RELL1: variants seen among roughly 807,000 people sequenced by gnomAD.
RELL1 encodes RELT-like protein 1.
Under a neutral mutation model 23.0 loss-of-function variants are expected in RELL1, and 10 were observed. That is an observed-to-expected ratio of 0.43 (90% confidence interval 0.27 to 0.74). RELL1 has a LOEUF of 0.74. Ranked by LOEUF, RELL1 falls within the 30% of genes least tolerant of loss-of-function variation. The pLI is 0.19. For synonymous variants in RELL1, 146 were observed against 146.8 expected, an observed-to-expected ratio of 0.99 and a Z score of 0.04; for missense variants, 315 against 364.4, an observed-to-expected ratio of 0.86 and a Z score of 1.10.
chr4:37,591,079 G>A (rs1577547828), exon 7 of RELL1: 2 of 1,238,808 alleles, frequency 1.6e-6, no homozygotes, highest in Non-Finnish European at 1.1e-6. Flanking sequence ...TGCATAGCAG[G>A]TGATTCTGCC....
chr4:37,641,587 A>T (rs1577583504), intron 3 of RELL1, among the ~76,000 whole-genome samples: 1 of 152,272 alleles, frequency 6.6e-6, no homozygotes. Flanking sequence ...CCAAAATGGG[A>T]GGAGCTAGGC....
chr4:37,654,804 C>T (rs192581489), intron 1 of RELL1, among the ~76,000 whole-genome samples: 122 of 152,010 alleles, frequency 8.0e-4, no homozygotes, highest in African/African-American at 2.9e-3. Context: ...CACTATGATC[C>T]AATATTGAAT....
chr4:37,638,314 C>T, intron 4 of RELL1, 133 bp downstream of exon 4: 1 of 714,464 alleles, frequency 1.4e-6, no homozygotes, highest in Admixed American at 2.5e-5. Flanking sequence ...CAGCAAAGAA[C>T]TACCTGGTCC....
intron 1 of RELL1, among the ~76,000 whole-genome samples, chr4:37,669,440 C>T (rs1342521861): frequency 6.6e-6 from 1 of 151,058 alleles, no homozygotes; most frequent in Non-Finnish European, 1.5e-5. Context: ...GGCCAGCCAC[C>T]CCGTCCGGGA....
intron 1 of RELL1, among the ~76,000 whole-genome samples, chr4:37,669,447 G>A (rs1484071038): frequency 2.6e-5 from 4 of 151,502 alleles, no homozygotes; most frequent in Non-Finnish European, 5.9e-5. Flanking sequence ...CACCCCGTCC[G>A]GGAGGTGAGG....
intron 1 of RELL1, among the ~76,000 whole-genome samples, chr4:37,660,058 G>GCACA (rs140998715): frequency 6.6e-6 from 1 of 151,974 alleles, no homozygotes; most frequent in Non-Finnish European, 1.5e-5. Flanking sequence ...TAGTTTTTAA[G>GCACA]CACACACACA....
chr4:37,644,438 T>TTTTTTTTATTTA lies in RELL1; in HGVS notation c.385+2929_385+2930insTAAATAAAAAAA, dbSNP rs1553874289. 9.0e-4 allele frequency among the ~76,000 whole-genome samples: 124 copies of TTTTTTTTATTTA among 137,880 alleles called. 2 individuals are homozygous for TTTTTTTTATTTA. Among genetic ancestry groups the TTTTTTTTATTTA allele is most frequent in the Admixed American group, 5.7e-3 (78 of 13,604 alleles). The allele number at this position is 137,880 out of a possible 152,430, so 90.5% of individuals were successfully genotyped here. On this transcript the variant is annotated intron_variant, in intron 3 of 6. Transcript: ENST00000454158. ...CGTCATCTGGTACTTTTATTTTTATTTTTATTTATTTATTTATTTATTTAT... is the reference window on the plus strand; with the variant it reads ...CGTCATCTGGTACTTTTATTTTTATTTTTTTTTATTTATTTATTTATTTATTTATTTATTTAT...
intron 6 of RELL1, among the ~76,000 whole-genome samples, chr4:37,596,620 G>T (rs1380898219): frequency 6.9e-6 from 1 of 145,136 alleles, no homozygotes; most frequent in Non-Finnish European, 1.5e-5. Context: ...CTCCCCTGGG[G>T]TATGTGAAAC....
downstream of RELL1, among the ~76,000 whole-genome samples, chr4:37,587,637 G>C (rs1403617405): frequency 6.6e-6 from 1 of 152,180 alleles, no homozygotes; most frequent in Non-Finnish European, 1.5e-5. Flanking sequence ...ATGGAGACAG[G>C]GAGACTGGGG....
intron 6 of RELL1, among the ~76,000 whole-genome samples, chr4:37,626,021 T>C (rs1386658010): frequency 6.6e-6 from 1 of 151,944 alleles, no homozygotes; most frequent in East Asian, 1.9e-4. Flanking sequence ...ATCATGGAAA[T>C]ATAAATTAAA....
At chr4:37,607,043 T>C (rs1427869822), downstream of RELL1, among the ~76,000 whole-genome samples, 2 of 152,118 alleles carry the variant, frequency 1.3e-5, no homozygotes, top group Admixed American at 1.3e-4. Context: ...AAAACCTCCG[T>C]CTAATCACAA....
intron 6 of RELL1, among the ~76,000 whole-genome samples, chr4:37,630,676 C>T (rs1232620529): frequency 6.6e-6 from 1 of 151,458 alleles, no homozygotes; most frequent in Non-Finnish European, 1.5e-5. Context: ...TGCCCAGCTG[C>T]GTGTTGTTTT....
intron 6 of RELL1, among the ~76,000 whole-genome samples, chr4:37,626,854 G>A (rs897495608): frequency 2.1e-5 from 3 of 141,412 alleles, no homozygotes; most frequent in Non-Finnish European, 4.5e-5. Context: ...TAGAAGCAGA[G>A]AGAAGAAAGG....
intron 1 of RELL1, among the ~76,000 whole-genome samples, chr4:37,652,148 A>T (rs1306210328): frequency 6.6e-6 from 1 of 152,224 alleles, no homozygotes; most frequent in Non-Finnish European, 1.5e-5. Context: ...AACAAACAAT[A>T]TCAAACAGAA....
At chr4:37,657,771 G>A (rs978659056) in intron 1 of RELL1, among the ~76,000 whole-genome samples, 1 of 152,002 alleles carries the variant, frequency 6.6e-6, no homozygotes, top group Non-Finnish European at 1.5e-5. Flanking sequence ...AGATAGCTAG[G>A]AGTGCTTGTG....
intron 1 of RELL1, among the ~76,000 whole-genome samples, chr4:37,660,974 T>G (rs370961413): frequency 2.6e-4 from 39 of 150,830 alleles, no homozygotes; most frequent in Admixed American, 1.3e-3. Flanking sequence ...GAGCTTGCAG[T>G]GAGCCGAGAC....
At chr4:37,623,502 G>A (rs1719838206) in intron 6 of RELL1, 1 of 152,254 alleles carries the variant, frequency 6.6e-6, no homozygotes, top group South Asian at 2.1e-4. Context: ...ATCCCTCTAA[G>A]CCTGGCTCTT....
chr4:37,641,641 TG>T (rs1211525978), intron 3 of RELL1, among the ~76,000 whole-genome samples: 1 of 152,192 alleles, frequency 6.6e-6, no homozygotes, highest in Non-Finnish European at 1.5e-5. Flanking sequence ...TATGTTCCAA[TG>T]GGTGACATTT....
chr4:37,681,537 TTTTTTTTTTGAGAC>T (rs1722224091), intron 1 of RELL1, among the ~76,000 whole-genome samples: 1 of 142,862 alleles, frequency 7.0e-6, no homozygotes, highest in African/African-American at 2.6e-5. Context: ...TTTTTTTTTT[TTTTTTTTTTGAGAC>T]GGAGTCTTGC....
Sources: allele counts gnomAD v4.1 joint callset (sites outside exome capture counted in the v4.1 genomes callset), GRCh38; gene constraint gnomAD v4.1.1; transcripts MANE v1.5; gene names NCBI Gene and HGNC (gene_info 2026-07-23, HGNC 2026-07-21).